VPS11: variants seen among roughly 807,000 people sequenced by gnomAD.
VPS11 encodes the protein VPS11 core subunit of CORVET and HOPS complexes.
VPS11 carries 51 observed loss-of-function variants against 106.8 expected under a neutral mutation model. The ratio of observed to expected loss-of-function variants is 0.48; its 90% CI spans 0.38 to 0.60. The LOEUF is 0.60. VPS11 is among the 20% of genes least tolerant of loss of function. The probability of loss-of-function intolerance (pLI) is 0.00; values close to 1 mark genes in which losing one functional copy is unlikely to be tolerated. For missense variants in VPS11, 950 were observed against 1,190.0 expected (o/e 0.80, Z 2.97); for synonymous variants, 453 against 458.7 (o/e 0.99, Z 0.16).
chr11:119,069,297 A>C lies in VPS11; in HGVS notation c.289A>C (p.Asn97His). ...ACACCTGTACCAACTGAAGCAGCAC[A>C]ATATTCTGGCATCTGTTGGAGAAGA... ...VTHLYQLKQHNILASVGEDEE... is the reference protein window; with the variant it reads ...VTHLYQLKQHHILASVGEDEE... Residue 97 changes from asparagine to histidine, a missense_variant, in exon 2 of 16, where the codon AAT becomes CAT. By Grantham distance (68) the Asn-to-His change is moderately conservative. Transcript: ENST00000621676. 1.2e-6 allele frequency: 2 copies of C among 1,613,998 alleles called. No homozygotes were observed. Among genetic ancestry groups the C allele is most frequent in the South Asian group, 1.1e-5 (1 of 91,088 alleles).
At chr11:119,070,509 A>G (rs1483051497) in intron 4 of VPS11, 112 bp downstream of exon 4, 3 of 1,185,128 alleles carry the variant, frequency 2.5e-6, no homozygotes, top group Non-Finnish European at 3.4e-6. Context: ...TTTTAATCAT[A>G]TAATTCGAAT....
chr11:119,075,430 C>T (rs576678825), intron 7 of VPS11, among the ~76,000 whole-genome samples: 17 of 151,184 alleles, frequency 1.1e-4, no homozygotes, highest in East Asian at 3.9e-4. Context: ...TATGGCTGGG[C>T]GCCGTGGCTC....
rs563176070 is a variant in VPS11, at chr11:119,071,915, C to G, written c.884+72C>G. On this transcript the variant is annotated intron_variant, in intron 5 of 15. Coordinates refer to ENST00000621676, the MANE Select transcript of VPS11 (RefSeq NM_021729.6). ...CCAGAATCCGCCTGATTTTAAAATC[C>G]TAATGCCTGGATACTGCCAATCTCC... 661 of 1,556,586 alleles carry G rather than the reference C, an allele frequency of 4.2e-4. 2 individuals are homozygous for G. Among genetic ancestry groups the G allele is most frequent in the Non-Finnish European group, 5.2e-4 (596 of 1,146,902 alleles).
chr11:119,077,400 G>A (rs1717912819), intron 8 of VPS11, 101 bp from the exon 9 acceptor site: 2 of 1,451,074 alleles, frequency 1.4e-6, no homozygotes, highest in South Asian at 1.3e-5. Context: ...AAGTGTGAAC[G>A]TTATGATATC....
Position 119,067,869 on chromosome 11 carries a change from G to T in VPS11, c.46G>T (p.Glu16Ter), listed in dbSNP as rs2133639248. ...GCGGCGCTTCGTTTTCTTCGACAAG[G>T]AGCTGGTGAAGGAGCCGCTGAGCAA... is the stretch of plus-strand genomic sequence containing the variant. ...QWRRFVFFDK[E>*]LVKEPLSNDG... is the part of the protein sequence containing the mutation. Residue 16 changes from glutamate to a stop codon, truncating the protein, a stop_gained, in exon 1 of 16, where the codon GAG (glutamate) becomes TAG (stop). Transcript: ENST00000621676. LOFTEE classifies it high-confidence loss of function. The T allele has an allele frequency of 3.8e-6, 6 of 1,572,416 alleles. No homozygotes were observed. The highest frequency in any genetic ancestry group is 3.5e-5 in the South Asian group (3 of 86,198).
chr11:119,069,389 T>C (rs1231419919), intron 2 of VPS11, 45 bp downstream of exon 2: 1 of 1,613,710 alleles, frequency 6.2e-7, no homozygotes, highest in Non-Finnish European at 8.5e-7. Context: ...AGCCTAGGAA[T>C]GATTTTTTGT....
rs964866530 is a variant in VPS11 at position 119,069,633 on chromosome 11, T to C, written c.472+56T>C. On this transcript the variant is annotated intron_variant, in intron 3 of 15. Coordinates refer to ENST00000621676, the MANE Select transcript of VPS11 (RefSeq NM_021729.6). ...ATTTGTTATAGATTTTCTTCAGAGT[T>C]GCTTCTGCCTCTCATCTTTACTGTT... 12 of 1,609,946 alleles carry C rather than the reference T, an allele frequency of 7.5e-6. No homozygotes were observed. The Middle Eastern group carries it at 1.8e-3, about 244-fold the overall frequency.
At position 119,067,997 on chromosome 11, in the gene VPS11, C is replaced by T; in HGVS notation, c.174C>T (p.Ser58=). Residue 58 remains serine (S), a synonymous_variant, in exon 1 of 16, where the codon AGC becomes AGT. Transcript: ENST00000621676. ...GITVCDSGRG[S]LVFGDMEGQI... ...CTGTCTGCGACTCAGGCCGAGGGAG[C>T]CTGGTCTTTGGAGATATCCTTCGTT... 6.2e-7 allele frequency: 1 copy of T among 1,609,630 alleles called. No homozygotes were observed. Among genetic ancestry groups the T allele is most frequent in the Non-Finnish European group, 8.5e-7 (1 of 1,177,340 alleles).
At chr11:119,069,033 T>C in intron 1 of VPS11, 163 bp from the exon 2 acceptor site, 1 of 211,552 alleles carries the variant, frequency 4.7e-6, no homozygotes, top group Non-Finnish European at 8.8e-6. Flanking sequence ...GTGCTGGGAT[T>C]ACAGGTGTGA....
At chr11:119,074,034 A>G in intron 7 of VPS11, 83 bp downstream of exon 7, 2 of 1,467,530 alleles carry the variant, frequency 1.4e-6, no homozygotes, top group Admixed American at 2.1e-5. Context: ...TGCTCCAGGT[A>G]GGGGCTAGAA....
chr11:119,075,111 C>CA (rs1474012889), intron 7 of VPS11, among the ~76,000 whole-genome samples: 1 of 151,378 alleles, frequency 6.6e-6, no homozygotes, highest in Non-Finnish European at 1.5e-5. Flanking sequence ...CTAAAAAATA[C>CA]AAAAAATTAG....
intron 14 of VPS11, 108 bp from the exon 15 acceptor site, chr11:119,080,983 GC>G (rs1945827586): frequency 1.1e-6 from 1 of 947,124 alleles, no homozygotes; most frequent in African/African-American, 1.6e-5. Flanking sequence ...GCCTTCAGGG[GC>G]CTTACCAGGG....
chr11:119,079,704 T>G (rs1159488739), intron 14 of VPS11, among the ~76,000 whole-genome samples: 1 of 152,164 alleles, frequency 6.6e-6, no homozygotes, highest in Non-Finnish European at 1.5e-5. Context: ...GCCTCCCAAG[T>G]AGCTGGGATT....
At chr11:119,080,505 A>G (rs1337085325) in intron 14 of VPS11, among the ~76,000 whole-genome samples, 2 of 151,578 alleles carry the variant, frequency 1.3e-5, no homozygotes, top group East Asian at 3.9e-4. Flanking sequence ...AGTACCTGGG[A>G]TTACAGGTGC....
rs1565743992 is a variant in VPS11 at position 119,078,681 on chromosome 11, T to C, written c.2040T>C (p.Leu680=). The change falls in exon 12 of 16, where the codon CTT becomes CTC. Residue 680 remains leucine (L), a synonymous_variant. Transcript: ENST00000621676. ...CQMHDFQDGV[L]YLYEQGKLFQ... is the part of the protein sequence containing the mutation. ...TGCACGACTTCCAGGATGGTGTCCT[T>C]TACCTTTATGAGCAGGGGAAGCTGT... The C allele has an allele frequency of 6.2e-7, 1 of 1,612,928 alleles. No individual in the cohort carries two copies.
chr11:119,070,027 TA>T (rs1294481860), intron 3 of VPS11, among the ~76,000 whole-genome samples: 15 of 32,442 alleles, frequency 4.6e-4, no homozygotes, highest in South Asian at 1.9e-3. Context: ...AATAAATAAA[TA>T]AAATAAATAA....
chr11:119,081,486 G>A lies in VPS11; in HGVS notation c.2689G>A (p.Val897Met), dbSNP rs781963349. ...QLKCSNDSFS[V>M]IADYFGRGVF... ...CAAGTGCTCCAATGACAGCTTTTCTGTGATTGCTGACTACTTTGGCAGAGG... is the reference window on the plus strand; with the variant it reads ...CAAGTGCTCCAATGACAGCTTTTCTATGATTGCTGACTACTTTGGCAGAGG... The change falls in exon 16 of 16, where the codon GTG becomes ATG. Residue 897 changes from valine (V) to methionine (M), a missense_variant. Coordinates refer to ENST00000621676, the MANE Select transcript of VPS11 (RefSeq NM_021729.6). The A allele has an allele frequency of 1.9e-6, 3 of 1,613,898 alleles. No individual in the cohort carries two copies. Among genetic ancestry groups the A allele is most frequent in the Non-Finnish European group, 2.5e-6 (3 of 1,179,908 alleles).
In VPS11 at chr11:119,069,234, C is replaced by T; in HGVS notation, c.226C>T (p.Gln76Ter). 6.2e-7 allele frequency: 1 copy of T among 1,613,984 alleles called. No homozygotes were observed. The highest frequency in any genetic ancestry group is 8.5e-7 in the Non-Finnish European group (1 of 1,179,880). ...GQIWFLPRSL[Q>*]LTGFQAYKLR... ...GATCTGGTTCTTGCCACGTTCCCTA[C>T]AGCTTACAGGCTTCCAAGCCTACAA... Residue 76 changes from glutamine (Q) to a stop codon, truncating the protein, a stop_gained, in exon 2 of 16, where the codon CAG (glutamine) becomes TAG (stop). Transcript: ENST00000621676. LOFTEE classifies it high-confidence loss of function.
intron 8 of VPS11, among the ~76,000 whole-genome samples, 188 bp from the exon 9 acceptor site, chr11:119,077,313 C>G (rs563650679): frequency 6.6e-6 from 1 of 152,272 alleles, no homozygotes; most frequent in East Asian, 1.9e-4. Context: ...CTGTCCCTAG[C>G]GGTGTCCCTC....
Sources: gnomAD v4.1 joint callset for allele counts (sites outside exome capture counted in the v4.1 genomes callset) on GRCh38, gnomAD v4.1.1 for gene constraint, MANE v1.5 for transcripts, NCBI Gene and HGNC (gene_info 2026-07-23, HGNC 2026-07-21) for gene names.